SBNO2: variants seen among roughly 807,000 people sequenced by gnomAD.
SBNO2 encodes strawberry notch homolog 2.
Under a neutral mutation model 146.3 loss-of-function variants are expected in SBNO2, and 89 were observed. That is an observed-to-expected ratio of 0.61 (90% confidence interval 0.51 to 0.73). The LOEUF (loss-of-function observed/expected upper bound fraction) is 0.73, where lower values mean the gene tolerates loss of function less well. Ranked by LOEUF, SBNO2 falls within the 30% of genes least tolerant of loss-of-function variation. The pLI is 0.00. For missense variants in SBNO2, 2,092 were observed against 2,003.7 expected, an observed-to-expected ratio of 1.04 and a Z score of -0.84; for synonymous variants, 1,147 against 892.6, an observed-to-expected ratio of 1.29 and a Z score of -5.08.
chr19:1,108,736 G>A, intron 31 of SBNO2, 32 bp from the exon 32 acceptor site: 1 of 1,582,198 alleles, frequency 6.3e-7, no homozygotes, highest in Non-Finnish European at 8.5e-7. Flanking sequence ...CAGGGCCGGC[G>A]CTGGGGGCTC....
chr19:1,139,769 TG>T (rs1390540645), intron 4 of SBNO2, among the ~76,000 whole-genome samples: 2 of 151,864 alleles, frequency 1.3e-5, no homozygotes, highest in Non-Finnish European at 2.9e-5. Flanking sequence ...CACTCCAGCC[TG>T]GGAGACAGAG....
In SBNO2 at chr19:1,109,811, G is replaced by A; in HGVS notation, c.3029-34C>T. ...GCGGGTGGAGGGTAAGTGGTGTCCAGGCCTGGGACTGTGGGCTGGGGCCAG... is the reference window on the plus strand; with the variant it reads ...GCGGGTGGAGGGTAAGTGGTGTCCAAGCCTGGGACTGTGGGCTGGGGCCAG... On this transcript the variant is annotated intron_variant, in intron 26 of 31. Transcript: ENST00000361757. The surrounding 1 kb of genome is among the most constrained non-coding windows in gnomAD (Gnocchi z 4.2). 6.7e-7 allele frequency: 1 copy of A among 1,501,438 alleles called. No individual in the cohort carries two copies. The highest frequency in any genetic ancestry group is 9.1e-7 in the Non-Finnish European group (1 of 1,099,436). The allele number at this position is 1,501,438 out of a possible 1,614,324, so 93.0% of individuals were successfully genotyped here.
intron 19 of SBNO2, among the ~76,000 whole-genome samples, chr19:1,113,221 G>C (rs1246272301): frequency 6.6e-6 from 1 of 152,178 alleles, no homozygotes; most frequent in East Asian, 1.9e-4. Flanking sequence ...ACCAGGCCCA[G>C]GGGCTTGTGT....
rs2145370061 is a variant in SBNO2 at position 1,173,069 on chromosome 19, C to A, written c.-127+1103G>T. Among the ~76,000 whole-genome samples, 1 of 151,844 alleles carries A rather than the reference C, an allele frequency of 6.6e-6. No homozygotes were observed. The highest frequency in any genetic ancestry group is 2.1e-4 in the South Asian group (1 of 4,808). ...ACACCCACCGTCCCTGCCCCAGCAC[C>A]ATCCGTGCCCGGCGTCCCTGGAGGC... On this transcript the variant is annotated intron_variant, in intron 1 of 31. Transcript: ENST00000361757. The surrounding 1 kb of genome is among the most constrained non-coding windows in gnomAD (Gnocchi z 4.7).
intron 4 of SBNO2, among the ~76,000 whole-genome samples, chr19:1,137,203 T>TCG (rs1223895250): frequency 7.7e-4 from 68 of 88,512 alleles, no homozygotes; most frequent in African/African-American, 2.4e-3. Flanking sequence ...TGGGGGAGGC[T>TCG]GGCACTGGGG....
chr19:1,131,598 G>A (rs1002740747), intron 4 of SBNO2, among the ~76,000 whole-genome samples: 1 of 152,154 alleles, frequency 6.6e-6, no homozygotes, highest in Non-Finnish European at 1.5e-5. Flanking sequence ...GGGATTTGCC[G>A]GCCTGCGCCA....
At position 1,158,504 on chromosome 19, in the gene SBNO2, C is replaced by T. The variant is rs368657797; in HGVS notation, c.-126-4102G>A. ...GCCATAACCGAGACCACGGGAGGAC[C>T]CAGGGCGCACGGCACACCCCAGAGC... is the stretch of plus-strand genomic sequence containing the variant. On this transcript the variant is annotated intron_variant, in intron 1 of 31. Transcript: ENST00000361757. This position sits in a 1 kb window ranked among gnomAD's most constrained non-coding sequence, Gnocchi z 9.9. 7.2e-5 allele frequency among the ~76,000 whole-genome samples: 11 copies of T among 152,140 alleles called. No homozygotes were observed. In the South Asian group the frequency reaches 2.3e-3, roughly 32 times the overall value.
intron 4 of SBNO2, chr19:1,128,054 G>A: frequency 1.8e-6 from 1 of 541,228 alleles, no homozygotes; most frequent in Non-Finnish European, 3.4e-6. Flanking sequence ...GACCTCAAGT[G>A]ATCTGCCTGC....
At chr19:1,154,859 G>A (rs561093106) in intron 1 of SBNO2, among the ~76,000 whole-genome samples, 1 of 152,328 alleles carries the variant, frequency 6.6e-6, no homozygotes, top group African/African-American at 2.4e-5. Flanking sequence ...GGCAGCAGGG[G>A]CTCCACAGTG....
At chr19:1,164,011 A>C (rs867800161) in intron 1 of SBNO2, among the ~76,000 whole-genome samples, 1 of 152,258 alleles carries the variant, frequency 6.6e-6, no homozygotes, top group Middle Eastern at 3.4e-3. Flanking sequence ...AGCGCCCAGG[A>C]AGCTCCCCTC....
chr19:1,131,789 C>T (rs1354200104), intron 4 of SBNO2, among the ~76,000 whole-genome samples: 1 of 152,252 alleles, frequency 6.6e-6, no homozygotes, highest in African/African-American at 2.4e-5. Context: ...CACTGAGGGC[C>T]CCCGTCCGGG....
chr19:1,116,195 T>TG (rs2079830283), intron 16 of SBNO2, 92 bp from the exon 17 acceptor site: 1 of 1,217,092 alleles, frequency 8.2e-7, no homozygotes. Context: ...TGGGTCCCTG[T>TG]GGGGGTCCCG....
At chr19:1,115,958 C>T in intron 17 of SBNO2, 63 bp downstream of exon 17, 1 of 1,373,492 alleles carries the variant, frequency 7.3e-7, no homozygotes, top group Non-Finnish European at 1.0e-6. Flanking sequence ...AGCGACCAGC[C>T]AGCCCCCGGG....
rs1055484959 is a variant in SBNO2, at chr19:1,157,485, G to A, written c.-126-3083C>T. On this transcript the variant is annotated intron_variant, in intron 1 of 31. Coordinates refer to ENST00000361757, the MANE Select transcript of SBNO2 (RefSeq NM_014963.3). The surrounding 1 kb of genome is among the most constrained non-coding windows in gnomAD (Gnocchi z 6.8). ...CCTCAGAGCCACGGGCCAGCCAAAC[G>A]TCCAGCGGGCAGCAGAGCGTGTCCC... Among the ~76,000 whole-genome samples, 11 of 151,912 alleles carry A rather than the reference G, an allele frequency of 7.2e-5. No individual in the cohort carries two copies. Among genetic ancestry groups the A allele is most frequent in the Admixed American group, 1.3e-4 (2 of 15,270 alleles).
rs1339338840 is a variant in SBNO2 at position 1,109,455 on chromosome 19, G to C, written c.3217-32C>G. 2.6e-6 allele frequency: 4 copies of C among 1,565,362 alleles called. No individual in the cohort carries two copies. The highest frequency in any genetic ancestry group is 3.5e-6 in the Non-Finnish European group (4 of 1,156,470). ...AGGGGGGCGTTGAGGCCGCGCCCCG[G>C]TCCGCCCCCCGCGGGCCCTCCTCTG... is the stretch of plus-strand genomic sequence containing the variant. On this transcript the variant is annotated intron_variant, in intron 28 of 31. Transcript: ENST00000361757. This position sits in a 1 kb window ranked among gnomAD's most constrained non-coding sequence, Gnocchi z 4.2.
At position 1,110,631 on chromosome 19, in the gene SBNO2, C is replaced by T. The variant is rs2079745466; in HGVS notation, c.3028+114G>A. On this transcript the variant is annotated intron_variant, in intron 26 of 31. Coordinates refer to ENST00000361757, the MANE Select transcript of SBNO2 (RefSeq NM_014963.3). The surrounding 1 kb of genome is among the most constrained non-coding windows in gnomAD (Gnocchi z 4.9). ...GCACGGTGTTCCCACGAGCCCCTCG[C>T]CCACCCGGGATGCCCGGTGTTCCCA... The T allele has an allele frequency of 1.5e-6, 2 of 1,333,708 alleles. No individual in the cohort carries two copies. Among genetic ancestry groups the T allele is most frequent in the Non-Finnish European group, 1.0e-6 (1 of 1,000,630 alleles). 82.6% of individuals were successfully genotyped at this position (1,333,708 alleles called of 1,614,324 possible). A position where few individuals can be genotyped will look rare whatever the true frequency, so the allele number is the denominator to read the frequency against.
At chr19:1,162,940 C>T (rs369181329) in intron 1 of SBNO2, among the ~76,000 whole-genome samples, 35 of 152,268 alleles carry the variant, frequency 2.3e-4, no homozygotes, top group East Asian at 7.7e-4. Flanking sequence ...CCAATGTGGA[C>T]GGGACAGAGC....
intron 4 of SBNO2, chr19:1,132,312 G>A (rs545553309): frequency 1.2e-5 from 15 of 1,301,738 alleles, no homozygotes; most frequent in Non-Finnish European, 1.5e-5. Context: ...TTCCTCTAAG[G>A]CCGGGGCTGA....
chr19:1,154,257 G>A lies in SBNO2; in HGVS notation c.20C>T (p.Ala7Val). MLAVGP[A>V]MDRDYPQHEP... ...ATGCTGCGGGTAATCCCTGTCCATG[G>A]CGGGCCCCACTGCAAGCATCGGGCG... The change falls in exon 2 of 32, where the codon GCC (alanine) becomes GTC (valine). Residue 7 changes from alanine (A) to valine (V), a missense_variant. Ala to Val is a moderately conservative substitution (Grantham distance 64). Transcript: ENST00000361757. 1 of 1,267,916 alleles carries A rather than the reference G, an allele frequency of 7.9e-7. No homozygotes were observed. The highest frequency in any genetic ancestry group is 9.9e-7 in the Non-Finnish European group (1 of 1,005,590). 78.5% of individuals were successfully genotyped at this position (1,267,916 alleles called of 1,614,324 possible).
Sources: allele counts gnomAD v4.1 joint callset (sites outside exome capture counted in the v4.1 genomes callset), GRCh38; gene constraint gnomAD v4.1.1; non-coding constraint Gnocchi (gnomAD v3.1); transcripts MANE v1.5; gene names NCBI Gene and HGNC (gene_info 2026-07-23, HGNC 2026-07-21).